Variants in SCMH1 observed in about 807,000 individuals in gnomAD.
The protein encoded by SCMH1 is Scm polycomb group protein homolog 1.
A neutral mutation model predicts 70.8 loss-of-function variants in SCMH1; 37 were observed. The ratio of observed to expected loss-of-function variants is 0.52; its 90% CI spans 0.40 to 0.69. SCMH1 has a LOEUF of 0.69. Ranked by LOEUF, SCMH1 falls within the 30% of genes least tolerant of loss-of-function variation. The pLI, the probability that SCMH1 is intolerant of heterozygous loss-of-function variation, is 0.00. For synonymous variants in SCMH1, 292 were observed against 307.4 expected (o/e 0.95, Z 0.52); for missense variants, 607 against 827.3 (o/e 0.73, Z 3.27).
chr1:41,132,891 A>T (rs568134888), intron 6 of SCMH1, among the ~76,000 whole-genome samples: 3 of 152,168 alleles, frequency 2.0e-5, no homozygotes, highest in South Asian at 2.1e-4. Context: ...GTACTGTTCC[A>T]TTGGTCTATA....
At chr1:41,226,601 C>T (rs1280672048) in intron 1 of SCMH1, among the ~76,000 whole-genome samples, 1 of 151,950 alleles carries the variant, frequency 6.6e-6, no homozygotes. Context: ...ATTTAGTCAA[C>T]AAATATTAAT....
At chr1:41,085,191 C>A (rs1661259585) in intron 8 of SCMH1, among the ~76,000 whole-genome samples, 1 of 151,584 alleles carries the variant, frequency 6.6e-6, no homozygotes, top group African/African-American at 2.4e-5. Context: ...AGTTAAGAGA[C>A]TACCACGAAC....
At chr1:41,057,274 TTTG>T (rs1650719855) in intron 10 of SCMH1, among the ~76,000 whole-genome samples, 1 of 151,996 alleles carries the variant, frequency 6.6e-6, no homozygotes, top group Non-Finnish European at 1.5e-5. Flanking sequence ...TGTTTGTTTG[TTTG>T]TTTTTTGAGA....
At chr1:41,046,301 T>C in intron 12 of SCMH1, 106 bp downstream of exon 12, 2 of 877,014 alleles carry the variant, frequency 2.3e-6, no homozygotes. Context: ...GACCTCTAGA[T>C]AGTAGGTGCC....
chr1:41,220,015 C>T (rs1222732374), intron 1 of SCMH1, among the ~76,000 whole-genome samples: 1 of 151,970 alleles, frequency 6.6e-6, no homozygotes, highest in Non-Finnish European at 1.5e-5. Context: ...CTCTTTCATA[C>T]ATTATATATT....
intron 2 of SCMH1, among the ~76,000 whole-genome samples, chr1:41,184,624 G>A (rs1464218965): frequency 2.0e-5 from 3 of 152,072 alleles, no homozygotes; most frequent in Non-Finnish European, 4.4e-5. Context: ...GGAGGCATTC[G>A]ACAAAGCATT....
chr1:41,123,908 T>A (rs1041399867), intron 6 of SCMH1, among the ~76,000 whole-genome samples: 5 of 152,196 alleles, frequency 3.3e-5, no homozygotes, highest in African/African-American at 1.2e-4. Flanking sequence ...ATAGACCAGT[T>A]GTGTCAGTAT....
At chr1:41,207,061 A>G (rs1239513267) in intron 1 of SCMH1, among the ~76,000 whole-genome samples, 1 of 152,204 alleles carries the variant, frequency 6.6e-6, no homozygotes, top group Non-Finnish European at 1.5e-5. Flanking sequence ...TGAAAGAAAC[A>G]ATCAGTACCA....
At chr1:41,213,267 A>G (rs920927923) in intron 1 of SCMH1, among the ~76,000 whole-genome samples, 1 of 152,234 alleles carries the variant, frequency 6.6e-6, no homozygotes, top group Non-Finnish European at 1.5e-5. Context: ...GAAGACACAT[A>G]GATATGTGAT....
chr1:41,066,030 T>C (rs1654479545), intron 10 of SCMH1, among the ~76,000 whole-genome samples: 1 of 152,172 alleles, frequency 6.6e-6, no homozygotes, highest in Non-Finnish European at 1.5e-5. Context: ...GTCCTACCTA[T>C]GGGAACCCAT....
chr1:41,141,623 T>C (rs1371814705), intron 6 of SCMH1, among the ~76,000 whole-genome samples: 3 of 152,184 alleles, frequency 2.0e-5, no homozygotes, highest in Admixed American at 6.5e-5. Context: ...TGTTGAATGA[T>C]ACCACAAGAA....
intron 12 of SCMH1, among the ~76,000 whole-genome samples, chr1:41,040,169 G>A (rs1276515576): frequency 2.0e-5 from 3 of 152,112 alleles, no homozygotes; most frequent in African/African-American, 7.2e-5. Context: ...GCAGATATGG[G>A]AGCAACTGGG....
intron 6 of SCMH1, among the ~76,000 whole-genome samples, chr1:41,117,561 C>T (rs542147380): frequency 3.1e-4 from 47 of 151,926 alleles, no homozygotes; most frequent in African/African-American, 1.1e-3. Context: ...GAGGGCCTGA[C>T]GTCAGTCAGG....
chr1:41,159,791 C>T, intron 4 of SCMH1: 1 of 1,489,594 alleles, frequency 6.7e-7, no homozygotes, highest in Non-Finnish European at 8.9e-7. Context: ...CAAAGAATGT[C>T]AGAAGATTTG....
At chr1:41,106,999 T>G (rs1188195885) in intron 8 of SCMH1, among the ~76,000 whole-genome samples, 1 of 151,818 alleles carries the variant, frequency 6.6e-6, no homozygotes, top group Non-Finnish European at 1.5e-5. Flanking sequence ...TAACTATTTT[T>G]TAATTCCTTG....
At chr1:41,070,303 G>C in intron 10 of SCMH1, among the ~76,000 whole-genome samples, 1 of 152,058 alleles carries the variant, frequency 6.6e-6, no homozygotes, top group East Asian at 1.9e-4. Flanking sequence ...CTGGAAGGTG[G>C]AAGGGATCAC....
chr1:41,073,426 A>G (rs1657193318), intron 9 of SCMH1, among the ~76,000 whole-genome samples: 1 of 152,198 alleles, frequency 6.6e-6, no homozygotes, highest in Non-Finnish European at 1.5e-5. Flanking sequence ...TGGCATCCTT[A>G]GGGCCTTCAG....
intron 1 of SCMH1, among the ~76,000 whole-genome samples, chr1:41,201,098 C>T (rs1654260533): frequency 6.6e-6 from 1 of 152,138 alleles, no homozygotes; most frequent in Non-Finnish European, 1.5e-5. Context: ...TAGATTAGAT[C>T]CTCAACTACT....
chr1:41,037,673 C>T, intron 12 of SCMH1, 132 bp from the exon 13 acceptor site: 1 of 726,114 alleles, frequency 1.4e-6, no homozygotes, highest in South Asian at 1.8e-5. Flanking sequence ...GCCTGTGTAC[C>T]AGTCATGGTT....
Sources: gnomAD v4.1 joint callset for allele counts (sites outside exome capture counted in the v4.1 genomes callset) on GRCh38, gnomAD v4.1.1 for gene constraint, MANE v1.5 for transcripts, NCBI Gene and HGNC (gene_info 2026-07-23, HGNC 2026-07-21) for gene names.